ACSM2B: variants seen among roughly 807,000 people sequenced by gnomAD.
ACSM2B encodes the protein acyl-coenzyme A synthetase ACSM2B, mitochondrial.
In ACSM2B, 58 loss-of-function variants were observed where a neutral mutation model predicts 78.6. That is an observed-to-expected ratio of 0.74 (90% CI 0.60 to 0.92). The LOEUF (loss-of-function observed/expected upper bound fraction) is 0.92. Among genes scored for constraint, ACSM2B ranks in the 40% least tolerant of loss-of-function variants. The pLI, the probability that ACSM2B is intolerant of heterozygous loss-of-function variation, is 0.00. For synonymous variants in ACSM2B, 257 were observed against 256.8 expected, an observed-to-expected ratio of 1.00 and a Z score of -0.01; for missense variants, 688 against 711.2, an observed-to-expected ratio of 0.97 and a Z score of 0.37.
chr16:20,541,297 G>C (rs1231984284), intron 12 of ACSM2B: 1 of 154,236 alleles, frequency 6.5e-6, no homozygotes, highest in African/African-American at 2.4e-5. Context: ...TGTTCTGTAC[G>C]TACCAGAGGT....
chr16:20,568,841 T>G (rs779823576), intron 1 of ACSM2B, among the ~76,000 whole-genome samples: 1 of 151,738 alleles, frequency 6.6e-6, no homozygotes, highest in Non-Finnish European at 1.5e-5. Flanking sequence ...TTTTTTCATA[T>G]GTATGCTGGA....
intron 1 of ACSM2B, chr16:20,575,512 T>C (rs1241964057): frequency 6.6e-5 from 10 of 151,962 alleles, no homozygotes. Flanking sequence ...TGGAGTCTGA[T>C]GTTCAAGGGC....
At chr16:20,547,360 C>A (rs925958595) in intron 8 of ACSM2B, 24 of 985,136 alleles carry the variant, frequency 2.4e-5, no homozygotes, top group African/African-American at 3.5e-5. Flanking sequence ...GAGCTGCCAT[C>A]AACACTCTGC....
In ACSM2B at chr16:20,541,071, G is replaced by A. The variant is rs140447078; in HGVS notation, c.1510-298C>T. 1.6e-3 allele frequency: 353 copies of A among 222,610 alleles called. 2 individuals carry two copies. The highest frequency in any genetic ancestry group is 7.3e-3 in the African/African-American group (326 of 44,862). 13.8% of individuals were successfully genotyped at this position (222,610 alleles called of 1,614,324 possible). A position where few individuals can be genotyped will look rare whatever the true frequency, so the allele number is the denominator to read the frequency against. Reference sequence around the variant, plus strand: ...TACAGGGGGAGAAAAGAGAAAAATAGACTGAAAACCATAACCCTAAACAAT... The same window carrying A: ...TACAGGGGGAGAAAAGAGAAAAATAAACTGAAAACCATAACCCTAAACAAT... On this transcript the variant is annotated intron_variant, in intron 12 of 13. Coordinates refer to ENST00000329697, the MANE Select transcript of ACSM2B (RefSeq NM_001105069.2).
intron 1 of ACSM2B, among the ~76,000 whole-genome samples, chr16:20,566,664 ATATAGTATATACATATAG>A: frequency 2.3e-5 from 1 of 43,408 alleles, no homozygotes; most frequent in African/African-American, 1.8e-4. Context: ...ATATATGTAT[ATATAGTATATACATATAG>A]TATATACTAT....
At chr16:20,554,084 T>C (rs1480630438) in intron 4 of ACSM2B, 164 bp from the exon 5 acceptor site, 2 of 1,130,666 alleles carry the variant, frequency 1.8e-6, no homozygotes, top group Admixed American at 3.9e-5. Context: ...CCTGAGTCAA[T>C]CAGAGTTGGG....
chr16:20,538,840 T>G (rs1180213682), intron 13 of ACSM2B, among the ~76,000 whole-genome samples: 3 of 152,162 alleles, frequency 2.0e-5, no homozygotes, highest in African/African-American at 7.2e-5. Flanking sequence ...TTCCTGAGAC[T>G]GTGCTATGCT....
chr16:20,540,020 T>C (rs529876808), intron 13 of ACSM2B, among the ~76,000 whole-genome samples: 5 of 152,142 alleles, frequency 3.3e-5, no homozygotes, highest in Non-Finnish European at 7.4e-5. Flanking sequence ...CAACTGAGCG[T>C]TGCACAACCC....
At chr16:20,574,693 G>C (rs2016196310) in intron 1 of ACSM2B, 1 of 146,510 alleles carries the variant, frequency 6.8e-6, no homozygotes. Context: ...ACTTGGCGAG[G>C]CTGTGCATGG....
chr16:20,550,692 T>C (rs1165901598), intron 6 of ACSM2B, among the ~76,000 whole-genome samples: 1 of 152,178 alleles, frequency 6.6e-6, no homozygotes, highest in Non-Finnish European at 1.5e-5. Flanking sequence ...AATAGATGTC[T>C]GGATGGGCCA....
chr16:20,576,024 C>G (rs377307637), intron 1 of ACSM2B, among the ~76,000 whole-genome samples, 183 bp downstream of exon 1: 9,731 of 131,608 alleles, frequency 0.074, 287 homozygotes, highest in African/African-American at 0.28. Context: ...CTGCCATAAA[C>G]GTGCCTTTTC....
intron 6 of ACSM2B, 33 bp downstream of exon 6, chr16:20,552,111 T>C: frequency 2.6e-6 from 4 of 1,563,926 alleles, no homozygotes; most frequent in South Asian, 1.2e-5. Flanking sequence ...GGGCTCACTC[T>C]GAATAACTGC....
At chr16:20,571,233 T>C (rs2016086563) in intron 1 of ACSM2B, among the ~76,000 whole-genome samples, 1 of 151,948 alleles carries the variant, frequency 6.6e-6, no homozygotes, top group Admixed American at 6.6e-5. Context: ...CTTAGTACCA[T>C]CTTTGCTGTA....
chr16:20,544,578 C>T (rs971750755), intron 10 of ACSM2B: 1 of 985,116 alleles, frequency 1.0e-6, no homozygotes, highest in African/African-American at 1.7e-5. Context: ...TCTCAGGGAT[C>T]AGAAGGCATG....
chr16:20,560,673 C>T (rs546789837), intron 2 of ACSM2B, among the ~76,000 whole-genome samples: 1 of 152,008 alleles, frequency 6.6e-6, no homozygotes, highest in African/African-American at 2.4e-5. Flanking sequence ...TGGGATATTG[C>T]TATAAAGATA....
chr16:20,564,784 C>T lies in ACSM2B; in HGVS notation c.62G>A (p.Arg21His), dbSNP rs141648973. ...CTLWGTQMSS[R>H]TLYINSRQLV... ...TTGCCTACTATTAATGTAGAGAGTG[C>T]GGCTGGACATCTGAGTACCCCACAG... is the stretch of plus-strand genomic sequence containing the variant. Residue 21 changes from arginine to histidine, a missense_variant, in exon 2 of 14, where the codon CGC becomes CAC. Coordinates refer to ENST00000329697, the MANE Select transcript of ACSM2B (RefSeq NM_001105069.2). 2.7e-3 allele frequency: 4,346 copies of T among 1,613,056 alleles called. 92 individuals carry two copies. In the South Asian group the frequency reaches 0.03, roughly 11 times the overall value.
In ACSM2B at chr16:20,543,143, G is replaced by A; in HGVS notation, c.1401C>T (p.Asn467=). The change falls in exon 11 of 14, where the codon AAC becomes AAT. Residue 467 remains asparagine, a synonymous_variant. Coordinates refer to ENST00000329697, the MANE Select transcript of ACSM2B (RefSeq NM_001105069.2). ...CCAGAAACCAAGCTCACCCGCTGGA[G>A]TTAATGATATCATCTGCCCGTCCCA... The part of the protein sequence containing the change: ...QFMGRADDII[N]SSGYRIGPSE... 6.2e-7 allele frequency: 1 copy of A among 1,613,876 alleles called. No homozygotes were observed. The highest frequency in any genetic ancestry group is 8.5e-7 in the Non-Finnish European group (1 of 1,179,884).
Position 20,564,831 on chromosome 16 carries a change from T to A in ACSM2B, c.15A>T (p.Arg5=). 1 of 1,611,070 alleles carries A rather than the reference T, an allele frequency of 6.2e-7. No homozygotes were observed. Among genetic ancestry groups the A allele is most frequent in the Non-Finnish European group, 8.5e-7 (1 of 1,178,082 alleles). Residue 5 remains arginine (R), a synonymous_variant, in exon 2 of 14, where the codon CGA becomes CGT. Transcript: ENST00000329697. MHWL[R]KVQGLCTLWG... ...ACAGGGTGCAAAGTCCCTGAACTTTTCGCAGCCAATGCATGTTCAGGCCTG... is the reference window on the plus strand; with the variant it reads ...ACAGGGTGCAAAGTCCCTGAACTTTACGCAGCCAATGCATGTTCAGGCCTG...
chr16:20,539,567 G>A (rs186107893), intron 13 of ACSM2B, among the ~76,000 whole-genome samples: 1,835 of 151,426 alleles, frequency 0.012, 41 homozygotes, highest in African/African-American at 0.041. Context: ...CCTGTGGGGA[G>A]CCACCCCTCC....
Sources: allele counts gnomAD v4.1 joint callset (sites outside exome capture counted in the v4.1 genomes callset), GRCh38; gene constraint gnomAD v4.1.1; transcripts MANE v1.5; gene names NCBI Gene and HGNC (gene_info 2026-07-23, HGNC 2026-07-21).